MYO1E: variants seen among roughly 807,000 people sequenced by gnomAD.
MYO1E encodes the protein unconventional myosin-Ie.
Under a neutral mutation model 151.1 loss-of-function variants are expected in MYO1E, and 68 were observed. The observed-to-expected ratio is 0.45, with a 90% confidence interval of 0.37 to 0.55. The LOEUF (loss-of-function observed/expected upper bound fraction) is 0.55. Among genes scored for constraint, MYO1E ranks in the 20% least tolerant of loss-of-function variants. The pLI, the probability that MYO1E is intolerant of heterozygous loss-of-function variation, is 0.00. For synonymous variants in MYO1E, 601 were observed against 501.7 expected, an observed-to-expected ratio of 1.20 and a Z score of -2.64; for missense variants, 1,363 against 1,389.3, an observed-to-expected ratio of 0.98 and a Z score of 0.30.
intron 16 of MYO1E, among the ~76,000 whole-genome samples, chr15:59,200,788 A>C (rs1445909362): frequency 3.9e-5 from 6 of 152,126 alleles, no homozygotes; most frequent in Non-Finnish European, 8.8e-5. Flanking sequence ...CATCACAGTA[A>C]TCTCTTAAGA....
intron 1 of MYO1E, among the ~76,000 whole-genome samples, chr15:59,328,089 G>A (rs779847424): frequency 6.6e-6 from 1 of 152,236 alleles, no homozygotes; most frequent in Non-Finnish European, 1.5e-5. Context: ...TGGTGGGGGG[G>A]TTCCCCCTCT....
chr15:59,371,897 T>C (rs1229771413), intron 1 of MYO1E, among the ~76,000 whole-genome samples: 1 of 150,962 alleles, frequency 6.6e-6, no homozygotes, highest in Middle Eastern at 3.4e-3. Flanking sequence ...GTGCTCGCCC[T>C]ACCTGGCGCC....
intron 1 of MYO1E, among the ~76,000 whole-genome samples, chr15:59,360,786 G>C (rs767691721): frequency 3.3e-5 from 5 of 152,108 alleles, no homozygotes; most frequent in Non-Finnish European, 7.4e-5. Context: ...TCAAACAAAG[G>C]GGTTCAGGGG....
intron 1 of MYO1E, among the ~76,000 whole-genome samples, chr15:59,333,255 T>C (rs1408779151): frequency 6.6e-6 from 1 of 152,130 alleles, no homozygotes; most frequent in East Asian, 1.9e-4. Context: ...TTTTTCTTTT[T>C]TGGAGACAGG....
chr15:59,179,308 T>C (rs2079644675), intron 18 of MYO1E, among the ~76,000 whole-genome samples: 1 of 152,182 alleles, frequency 6.6e-6, no homozygotes, highest in Admixed American at 6.5e-5. Flanking sequence ...GTACTATTTT[T>C]CCTTCAGAGC....
rs2080953648 is a variant in MYO1E at position 59,372,503 on chromosome 15, T to C, written c.-3A>G. The C allele has an allele frequency of 1.4e-5, 21 of 1,537,364 alleles. No individual in the cohort carries two copies. The highest frequency in any genetic ancestry group is 1.8e-5 in the Non-Finnish European group (21 of 1,142,764). ...ACGCGGCGCGGCCAACTCACCATGG[T>C]GACTCGCGCCGCGGTCGCGTCTTCG... On this transcript the variant is annotated 5_prime_UTR_variant, in exon 1 of 28. Coordinates refer to ENST00000288235, the MANE Select transcript of MYO1E (RefSeq NM_004998.4).
At chr15:59,193,113 G>C (rs1392172712) in intron 17 of MYO1E, among the ~76,000 whole-genome samples, 2 of 89,320 alleles carry the variant, frequency 2.2e-5, no homozygotes, top group African/African-American at 1.3e-4. Context: ...TGCAGTGCCT[G>C]GGCCATCATC....
intron 1 of MYO1E, among the ~76,000 whole-genome samples, chr15:59,348,295 C>G (rs374228487): frequency 1.3e-5 from 2 of 152,200 alleles, no homozygotes; most frequent in South Asian, 2.1e-4. Flanking sequence ...AAATAATACC[C>G]TCCCTAACCA....
intron 1 of MYO1E, among the ~76,000 whole-genome samples, chr15:59,340,825 C>T (rs1439035544): frequency 6.6e-6 from 1 of 151,576 alleles, no homozygotes; most frequent in African/African-American, 2.4e-5. Flanking sequence ...AGTTCAAGAC[C>T]AGCCTGGCCA....
chr15:59,228,873 T>C (rs1476574276), intron 6 of MYO1E, among the ~76,000 whole-genome samples: 2 of 152,200 alleles, frequency 1.3e-5, no homozygotes, highest in Non-Finnish European at 2.9e-5. Flanking sequence ...GTAATTATTC[T>C]AGGTGTCAAG....
chr15:59,263,024 G>GA (rs35752024), intron 2 of MYO1E, among the ~76,000 whole-genome samples: 1,591 of 151,224 alleles, frequency 0.011, 29 homozygotes, highest in African/African-American at 0.037. Flanking sequence ...ACTTCATGGA[G>GA]AAAAAAAATC....
chr15:59,363,924 G>A (rs1356169640), intron 1 of MYO1E, among the ~76,000 whole-genome samples: 1 of 152,006 alleles, frequency 6.6e-6, no homozygotes, highest in Non-Finnish European at 1.5e-5. Flanking sequence ...ACAGGTGCCC[G>A]CCACCCCACC....
chr15:59,135,630 T>G lies in MYO1E; in HGVS notation c.*1750A>C, dbSNP rs1352489780. On this transcript the variant is annotated 3_prime_UTR_variant, in exon 28 of 28. Coordinates refer to ENST00000288235, the MANE Select transcript of MYO1E (RefSeq NM_004998.4). ...ATTCGTTACTGTTACAGAATGGAGT[T>G]TGCTCCCTGTTCTTGAAGTAAAACA... The G allele has an allele frequency of 2.0e-5, 3 of 152,258 alleles. No individual in the cohort carries two copies. The highest frequency in any genetic ancestry group is 4.4e-5 in the Non-Finnish European group (3 of 68,046). 9.4% of individuals were successfully genotyped at this position (152,258 alleles called of 1,614,324 possible).
In MYO1E at chr15:59,136,546, A is replaced by G; in HGVS notation, c.*834T>C. 3.1e-6 allele frequency: 1 copy of G among 327,752 alleles called. No individual in the cohort carries two copies. Among genetic ancestry groups the G allele is most frequent in the South Asian group, 2.5e-5 (1 of 40,524 alleles). 20.3% of individuals were successfully genotyped at this position (327,752 alleles called of 1,614,324 possible). On this transcript the variant is annotated 3_prime_UTR_variant, in exon 28 of 28. Coordinates refer to ENST00000288235, the MANE Select transcript of MYO1E (RefSeq NM_004998.4). The stretch of plus-strand genomic sequence containing the variant: ...TGAGTTTTGTAAGAAAACCTACCTT[A>G]TGAATGAGTACAGTGGAATACTACT...
At chr15:59,298,231 G>A (rs542863756) in intron 1 of MYO1E, among the ~76,000 whole-genome samples, 6 of 152,150 alleles carry the variant, frequency 3.9e-5, no homozygotes, top group African/African-American at 1.4e-4. Context: ...TACAAATCTA[G>A]TTATTTGGTA....
At chr15:59,370,958 TG>T (rs1251747985) in intron 1 of MYO1E, among the ~76,000 whole-genome samples, 1 of 152,140 alleles carries the variant, frequency 6.6e-6, no homozygotes, top group Non-Finnish European at 1.5e-5. Flanking sequence ...CCCAAACACA[TG>T]CCCAATGGGA....
At chr15:59,146,271 C>A (rs374826949) in intron 26 of MYO1E, among the ~76,000 whole-genome samples, 1 of 152,062 alleles carries the variant, frequency 6.6e-6, no homozygotes, top group Non-Finnish European at 1.5e-5. Context: ...AATTGAAAAT[C>A]GTGTTATAAA....
intron 1 of MYO1E, among the ~76,000 whole-genome samples, chr15:59,291,414 T>A (rs1387626224): frequency 6.6e-6 from 1 of 152,254 alleles, no homozygotes; most frequent in South Asian, 2.1e-4. Flanking sequence ...ACCGATTGTT[T>A]GTTGGTGTTT....
intron 1 of MYO1E, among the ~76,000 whole-genome samples, chr15:59,284,872 A>G (rs1194146387): frequency 6.6e-6 from 1 of 152,132 alleles, no homozygotes; most frequent in African/African-American, 2.4e-5. Flanking sequence ...ATATGAATCA[A>G]ATGCTTGAGA....
Sources: allele counts gnomAD v4.1 joint callset (sites outside exome capture counted in the v4.1 genomes callset), GRCh38; gene constraint gnomAD v4.1.1; transcripts MANE v1.5; gene names NCBI Gene and HGNC (gene_info 2026-07-23, HGNC 2026-07-21).